The following ZCCHC7 variants were observed in gnomAD, a reference collection of about 807,000 sequenced individuals.
The protein encoded by ZCCHC7 is zinc finger CCHC-type containing 7.
Under a neutral mutation model 52.0 loss-of-function variants are expected in ZCCHC7, and 35 were observed. That is an observed-to-expected ratio of 0.67 (90% confidence interval 0.51 to 0.89). The LOEUF (loss-of-function observed/expected upper bound fraction) is 0.89, where lower values mean the gene tolerates loss of function less well. Ranked by LOEUF, ZCCHC7 falls within the 40% of genes least tolerant of loss-of-function variation. ZCCHC7 has a pLI of 0.00. For synonymous variants in ZCCHC7, 217 were observed against 221.5 expected (o/e 0.98, Z 0.18); for missense variants, 574 against 649.1 (o/e 0.88, Z 1.26).
At chr9:37,299,078 A>T (rs1828917800) in intron 2 of ZCCHC7, among the ~76,000 whole-genome samples, 1 of 152,240 alleles carries the variant, frequency 6.6e-6, no homozygotes, top group Admixed American at 6.5e-5. Flanking sequence ...ATTTGAACAG[A>T]ATCACAATCC....
In ZCCHC7 at chr9:37,239,108, G is replaced by A. The variant is rs185389393; in HGVS notation, c.611-63080G>A. Among the ~76,000 whole-genome samples, 51 of 152,196 alleles carry A rather than the reference G, an allele frequency of 3.4e-4. 1 individual carries two copies. The highest frequency in any genetic ancestry group is 5.2e-4 in the Admixed American group (8 of 15,296). On this transcript the variant is annotated intron_variant, in intron 2 of 8. Coordinates refer to ENST00000336755, the MANE Select transcript of ZCCHC7 (RefSeq NM_032226.3). ...TAGAAAAAGCCAAAGGACTTAAAAT[G>A]TTCCCTTACTTACACATAAATTTAA...
intron 2 of ZCCHC7, among the ~76,000 whole-genome samples, chr9:37,218,894 C>T (rs933915633): frequency 6.6e-6 from 1 of 150,720 alleles, no homozygotes; most frequent in Non-Finnish European, 1.5e-5. Context: ...GTGGGCAGCT[C>T]TGTAACTCTG....
At chr9:37,123,319 C>T (rs773404953) in intron 1 of ZCCHC7, among the ~76,000 whole-genome samples, 7 of 152,022 alleles carry the variant, frequency 4.6e-5, no homozygotes, top group Non-Finnish European at 8.8e-5. Context: ...AAAGCAGTAA[C>T]ATTAACGAAA....
At chr9:37,300,536 G>A (rs192539188) in intron 2 of ZCCHC7, among the ~76,000 whole-genome samples, 38 of 152,248 alleles carry the variant, frequency 2.5e-4, no homozygotes, top group Admixed American at 7.9e-4. Context: ...GCATACCTGT[G>A]GATTGGTCTT....
At chr9:37,323,694 G>C (rs1284461173) in intron 5 of ZCCHC7, among the ~76,000 whole-genome samples, 1 of 152,136 alleles carries the variant, frequency 6.6e-6, no homozygotes, top group African/African-American at 2.4e-5. Context: ...TATGATTTCA[G>C]ACCTCAGAGC....
chr9:37,321,011 T>C (rs308500), intron 5 of ZCCHC7, among the ~76,000 whole-genome samples: 135,430 of 136,676 alleles, frequency 0.99, 67,103 homozygotes, highest in Non-Finnish European at 1. Context: ...TTTTTTGAGA[T>C]GGAATCTCAC....
chr9:37,123,224 T>TGTGC (rs1180731163), intron 1 of ZCCHC7, among the ~76,000 whole-genome samples: 1,526 of 124,926 alleles, frequency 0.012, 37 homozygotes, highest in African/African-American at 0.038. Context: ...TGTGTGTGTG[T>TGTGC]GCGTGTGCGT....
chr9:37,130,932 A>G (rs1487131161), intron 2 of ZCCHC7, among the ~76,000 whole-genome samples: 3 of 151,834 alleles, frequency 2.0e-5, no homozygotes, highest in Non-Finnish European at 4.4e-5. Context: ...AAATACATAC[A>G]TATTTTACAT....
chr9:37,206,404 C>T (rs1356409559), intron 2 of ZCCHC7, among the ~76,000 whole-genome samples: 2 of 151,880 alleles, frequency 1.3e-5, no homozygotes, highest in East Asian at 3.9e-4. Context: ...GTTGCCCAGG[C>T]TGGAGTGTGG....
At chr9:37,319,094 A>G (rs980175232) in intron 5 of ZCCHC7, among the ~76,000 whole-genome samples, 2 of 152,062 alleles carry the variant, frequency 1.3e-5, no homozygotes, top group African/African-American at 2.4e-5. Flanking sequence ...TATACTGTCT[A>G]TCTTATTGTA....
intron 2 of ZCCHC7, among the ~76,000 whole-genome samples, chr9:37,158,874 T>C (rs1820948813): frequency 6.6e-6 from 1 of 152,210 alleles, no homozygotes; most frequent in Non-Finnish European, 1.5e-5. Flanking sequence ...ATTAAACTTA[T>C]TTTTCTCTCT....
At chr9:37,248,946 C>T (rs1826196528) in intron 2 of ZCCHC7, among the ~76,000 whole-genome samples, 1 of 152,206 alleles carries the variant, frequency 6.6e-6, no homozygotes, top group South Asian at 2.1e-4. Flanking sequence ...AACAATCTGT[C>T]ATAGTCTCAA....
chr9:37,326,083 G>A (rs908566876), intron 5 of ZCCHC7: 10 of 152,106 alleles, frequency 6.6e-5, no homozygotes, highest in African/African-American at 2.2e-4. Flanking sequence ...CATAACTAAT[G>A]TATAAATAAC....
chr9:37,253,432 T>TA (rs1331136900), intron 2 of ZCCHC7, among the ~76,000 whole-genome samples: 2 of 152,060 alleles, frequency 1.3e-5, no homozygotes, highest in Admixed American at 1.3e-4. Flanking sequence ...ACATTGAAGT[T>TA]ATAGCATTTT....
intron 2 of ZCCHC7, among the ~76,000 whole-genome samples, chr9:37,137,599 A>G (rs1843053743): frequency 6.6e-6 from 1 of 152,134 alleles, no homozygotes; most frequent in South Asian, 2.1e-4. Flanking sequence ...TTTTGCGTAC[A>G]TACCTCCTTT....
chr9:37,175,652 C>T (rs930053802), intron 2 of ZCCHC7, among the ~76,000 whole-genome samples: 1 of 152,058 alleles, frequency 6.6e-6, no homozygotes, highest in Admixed American at 6.6e-5. Context: ...GCACGAGAAT[C>T]GATTAAACCC....
At chr9:37,332,630 TA>T (rs1255167241) in intron 6 of ZCCHC7, among the ~76,000 whole-genome samples, 1 of 151,460 alleles carries the variant, frequency 6.6e-6, no homozygotes, top group African/African-American at 2.4e-5. Context: ...TTTTTTTTTT[TA>T]ATCTTTATTT....
intron 2 of ZCCHC7, among the ~76,000 whole-genome samples, chr9:37,297,186 T>C (rs557370840): frequency 4.8e-4 from 72 of 151,576 alleles, no homozygotes; most frequent in South Asian, 1.2e-3. Context: ...TTTTAAAAGC[T>C]TGTTGTTAAT....
chr9:37,303,520 G>C (rs1315780083), intron 3 of ZCCHC7, among the ~76,000 whole-genome samples: 1 of 151,032 alleles, frequency 6.6e-6, no homozygotes, highest in African/African-American at 2.4e-5. Context: ...ACCCCTGCTC[G>C]ATCTGAAACA....
Sources: allele counts gnomAD v4.1 joint callset (sites outside exome capture counted in the v4.1 genomes callset), GRCh38; gene constraint gnomAD v4.1.1; transcripts MANE v1.5; gene names NCBI Gene and HGNC (gene_info 2026-07-23, HGNC 2026-07-21).